Variants in SLC24A4 observed in about 807,000 individuals in gnomAD.
SLC24A4 encodes solute carrier family 24 member 4.
Under a neutral mutation model 79.0 loss-of-function variants are expected in SLC24A4, and 53 were observed. The observed-to-expected ratio is 0.67, with a 90% confidence interval of 0.54 to 0.84. The LOEUF is 0.84. SLC24A4 is among the 40% of genes least tolerant of loss of function. SLC24A4 has a pLI of 0.00. For missense variants in SLC24A4, 731 were observed against 822.0 expected (o/e 0.89, Z 1.35); for synonymous variants, 323 against 323.8 (o/e 1.00, Z 0.03).
chr14:92,372,354 C>G (rs1326841742), intron 2 of SLC24A4, among the ~76,000 whole-genome samples: 1 of 152,136 alleles, frequency 6.6e-6, no homozygotes. Context: ...ATGGCGTGGC[C>G]AGCTCTGATG....
At chr14:92,482,947 G>T in intron 13 of SLC24A4, 101 bp downstream of exon 13, 1 of 1,210,456 alleles carries the variant, frequency 8.3e-7, no homozygotes. Flanking sequence ...ACCTTTGGGC[G>T]AGTCACTGGC....
At chr14:92,443,246 T>C in intron 6 of SLC24A4, 154 bp from the exon 7 acceptor site, 1 of 710,114 alleles carries the variant, frequency 1.4e-6, no homozygotes, top group Non-Finnish European at 2.4e-6. Flanking sequence ...TTTCATTCTG[T>C]TCCCCAAATT....
intron 4 of SLC24A4, 22 bp downstream of exon 4, chr14:92,439,431 C>CA (rs1441936237): frequency 6.2e-7 from 1 of 1,604,202 alleles, no homozygotes; most frequent in East Asian, 2.2e-5. Flanking sequence ...GGACTTGGGA[C>CA]ACCTTGGTGA....
intron 2 of SLC24A4, among the ~76,000 whole-genome samples, chr14:92,414,468 G>C (rs957956195): frequency 3.3e-5 from 5 of 152,162 alleles, no homozygotes; most frequent in African/African-American, 1.2e-4. Flanking sequence ...TGGCATGGTG[G>C]CTCACTCCTG....
intron 2 of SLC24A4, among the ~76,000 whole-genome samples, chr14:92,365,849 T>C (rs1024663133): frequency 7.2e-5 from 11 of 152,228 alleles, no homozygotes; most frequent in East Asian, 5.8e-4. Flanking sequence ...CAAGGTCGCA[T>C]GGTGTAAGTA....
In SLC24A4 at chr14:92,435,170, AAACT is replaced by A. The variant is rs373675871; in HGVS notation, c.318+1183_318+1186del. The stretch of plus-strand genomic sequence containing the variant: ...AGTTTAAAACTTTGTTGTACTTCTC[AAACT>A]TCCCTCCCTATTCAGATGGACCTTG... On this transcript the variant is annotated intron_variant, in intron 3 of 16. Coordinates refer to ENST00000532405, the MANE Select transcript of SLC24A4 (RefSeq NM_153646.4). Among the ~76,000 whole-genome samples, 13 of 152,310 alleles carry A rather than the reference AAACT, an allele frequency of 8.5e-5. No homozygotes were observed. In the East Asian group the frequency reaches 2.5e-3, roughly 29 times the overall value.
intron 2 of SLC24A4, among the ~76,000 whole-genome samples, chr14:92,348,470 C>T (rs937151571): frequency 4.6e-5 from 7 of 152,184 alleles, no homozygotes; most frequent in Non-Finnish European, 7.3e-5. Context: ...GAATGTGTTG[C>T]GATAAAACTT....
intron 2 of SLC24A4, among the ~76,000 whole-genome samples, chr14:92,361,986 G>T (rs940498124): frequency 1.3e-5 from 2 of 152,194 alleles, no homozygotes; most frequent in African/African-American, 4.8e-5. Flanking sequence ...ACCCTTGAGT[G>T]ATTCCTGGCT....
chr14:92,467,068 C>T (rs1037016817), intron 12 of SLC24A4, among the ~76,000 whole-genome samples: 3 of 152,330 alleles, frequency 2.0e-5, no homozygotes, highest in Admixed American at 1.3e-4. Flanking sequence ...CTCTCTCCCT[C>T]CCCACAAAGG....
At chr14:92,357,200 G>A (rs1595158204) in intron 2 of SLC24A4, among the ~76,000 whole-genome samples, 2 of 152,294 alleles carry the variant, frequency 1.3e-5, no homozygotes, top group South Asian at 2.1e-4. Context: ...ATCTGTGGCC[G>A]ACTGGCACAA....
chr14:92,484,210 A>G, intron 13 of SLC24A4: 3 of 985,268 alleles, frequency 3.0e-6, no homozygotes, highest in Non-Finnish European at 2.4e-6. Context: ...GGAATTCTAA[A>G]CAGTGTATGG....
intron 2 of SLC24A4, among the ~76,000 whole-genome samples, chr14:92,350,737 T>C (rs972050396): frequency 6.6e-6 from 1 of 152,226 alleles, no homozygotes; most frequent in African/African-American, 2.4e-5. Context: ...GAAATAGATA[T>C]AGCTGCAGGA....
At chr14:92,343,658 TTCCTTCCTTCCTTCC>T (rs1886344024) in intron 2 of SLC24A4, among the ~76,000 whole-genome samples, 9 of 110,326 alleles carry the variant, frequency 8.2e-5, no homozygotes, top group Admixed American at 2.7e-4. Flanking sequence ...CCTTCTTTCC[TTCCTTCCTTCCTTCC>T]TTCCTTCCTT....
At chr14:92,444,152 T>C (rs1216908930) in intron 7 of SLC24A4, among the ~76,000 whole-genome samples, 1 of 152,082 alleles carries the variant, frequency 6.6e-6, no homozygotes, top group Non-Finnish European at 1.5e-5. Flanking sequence ...TCTGCGATGA[T>C]TCTACAGATA....
At chr14:92,408,871 TG>T (rs1890550474) in intron 2 of SLC24A4, among the ~76,000 whole-genome samples, 1 of 152,170 alleles carries the variant, frequency 6.6e-6, no homozygotes, top group Non-Finnish European at 1.5e-5. Flanking sequence ...TCAGTGGTTG[TG>T]GGGAACTTTC....
intron 2 of SLC24A4, among the ~76,000 whole-genome samples, chr14:92,349,094 C>A (rs1182340524): frequency 1.3e-5 from 2 of 151,480 alleles, no homozygotes; most frequent in African/African-American, 4.9e-5. Context: ...AAAAAAAAGG[C>A]CTGTGTAAGG....
At chr14:92,339,907 T>C (rs6575248) in intron 2 of SLC24A4, among the ~76,000 whole-genome samples, 1 of 152,228 alleles carries the variant, frequency 6.6e-6, no homozygotes, top group Non-Finnish European at 1.5e-5. Context: ...TTGCAAAGAG[T>C]CTTAGGCAGA....
intron 2 of SLC24A4, among the ~76,000 whole-genome samples, chr14:92,410,501 C>A (rs964867611): frequency 6.6e-6 from 1 of 152,088 alleles, no homozygotes; most frequent in Non-Finnish European, 1.5e-5. Flanking sequence ...TTGTAAGGTA[C>A]CTTTTAAAAG....
At chr14:92,445,815 A>G (rs1364805446) in intron 8 of SLC24A4, among the ~76,000 whole-genome samples, 1 of 152,242 alleles carries the variant, frequency 6.6e-6, no homozygotes, top group Non-Finnish European at 1.5e-5. Context: ...ATTTAAAGAT[A>G]TTACTGTAAA....
Sources: allele counts gnomAD v4.1 joint callset (sites outside exome capture counted in the v4.1 genomes callset), GRCh38; gene constraint gnomAD v4.1.1; transcripts MANE v1.5; gene names NCBI Gene and HGNC (gene_info 2026-07-23, HGNC 2026-07-21).